Variants in SLC26A3 observed in about 807,000 individuals in gnomAD.
SLC26A3 encodes the protein solute carrier family 26 member 3, also known as chloride anion exchanger.
Under a neutral mutation model 85.6 loss-of-function variants are expected in SLC26A3, and 64 were observed. That is an observed-to-expected ratio of 0.75 (90% confidence interval 0.61 to 0.92). SLC26A3 has a LOEUF of 0.92. SLC26A3 is among the 40% of genes least tolerant of loss of function. The probability of loss-of-function intolerance (pLI) is 0.00; values close to 1 mark genes in which losing one functional copy is unlikely to be tolerated. For missense variants in SLC26A3, 922 were observed against 927.3 expected, an observed-to-expected ratio of 0.99 and a Z score of 0.07; for synonymous variants, 349 against 336.0, an observed-to-expected ratio of 1.04 and a Z score of -0.42.
At chr7:107,795,718 AC>A (rs1794485158) in intron 1 of SLC26A3, among the ~76,000 whole-genome samples, 1 of 152,040 alleles carries the variant, frequency 6.6e-6, no homozygotes, top group African/African-American at 2.4e-5. Flanking sequence ...ATTCCAACTA[AC>A]TGCTAGCATT....
In SLC26A3 at chr7:107,791,121, G is replaced by T; in HGVS notation, c.497C>A (p.Ser166Tyr). ...TLGLPNNSNN[S>Y]SLLDDERVRV... is the part of the protein sequence containing the mutation. The stretch of plus-strand genomic sequence containing the variant: ...CACCCTCTCGTCATCCAGTAGTGAA[G>T]AATTATTCGAGTTGTTAGGCAATCC... The change falls in exon 5 of 21, where the codon TCT becomes TAT. Residue 166 changes from serine (S) to tyrosine (Y), a missense_variant. Coordinates refer to ENST00000340010, the MANE Select transcript of SLC26A3 (RefSeq NM_000111.3). The T allele has an allele frequency of 1.9e-6, 3 of 1,614,206 alleles. No homozygotes were observed. In the South Asian group the frequency reaches 3.3e-5, roughly 18 times the overall value.
chr7:107,774,315 A>G (rs1345230174), intron 16 of SLC26A3, among the ~76,000 whole-genome samples, 162 bp from the exon 17 acceptor site: 3 of 152,086 alleles, frequency 2.0e-5, no homozygotes, highest in Non-Finnish European at 4.4e-5. Flanking sequence ...ACTTTAGGAA[A>G]CTGAGGTGGG....
chr7:107,780,210 T>A (rs369851681), intron 11 of SLC26A3, among the ~76,000 whole-genome samples: 2 of 152,030 alleles, frequency 1.3e-5, no homozygotes, highest in African/African-American at 4.8e-5. Context: ...TGGAATGAGA[T>A]GACTTGAGGC....
At chr7:107,801,393 A>G (rs1268566880) in intron 1 of SLC26A3, among the ~76,000 whole-genome samples, 1 of 152,172 alleles carries the variant, frequency 6.6e-6, no homozygotes, top group Admixed American at 6.5e-5. Flanking sequence ...CCTACACTCA[A>G]TATCCACAAC....
Position 107,782,836 on chromosome 7 carries a change from G to A in SLC26A3, c.1272C>T (p.Val424=), listed in dbSNP as rs975982260. 6 of 1,614,058 alleles carry A rather than the reference G, an allele frequency of 3.7e-6. No homozygotes were observed. Among genetic ancestry groups the A allele is most frequent in the Non-Finnish European group, 5.1e-6 (6 of 1,179,992 alleles). Reference sequence around the variant, plus strand: ...CCAGGAGAAATCCAATGGCTAGAACGACAATCAGCACGATGATGGCACCAA... The same window carrying A: ...CCAGGAGAAATCCAATGGCTAGAACAACAATCAGCACGATGATGGCACCAA... ...GLIGAIIVLI[V]VLAIGFLLAP... Residue 424 remains valine (V), a synonymous_variant, in exon 11 of 21, where the codon GTC becomes GTT. Coordinates refer to ENST00000340010, the MANE Select transcript of SLC26A3 (RefSeq NM_000111.3).
intron 1 of SLC26A3, among the ~76,000 whole-genome samples, chr7:107,801,252 C>A (rs1794594848): frequency 6.6e-6 from 1 of 152,204 alleles, no homozygotes; most frequent in Non-Finnish European, 1.5e-5. Flanking sequence ...CTGACTCTCT[C>A]CACTACGTCT....
At chr7:107,802,741 GC>G (rs150215011) in intron 1 of SLC26A3, among the ~76,000 whole-genome samples, 2 of 102,596 alleles carry the variant, frequency 1.9e-5, no homozygotes, top group African/African-American at 4.3e-5. Context: ...CTTAAAGCTT[GC>G]TTTTTTTTTT....
At chr7:107,773,812 A>C (rs867105607) in intron 17 of SLC26A3, 108 bp downstream of exon 17, 3 of 951,836 alleles carry the variant, frequency 3.2e-6, no homozygotes, top group African/African-American at 1.6e-5. Context: ...CGGCCTCCCA[A>C]AGTGCTGGGA....
Position 107,789,573 on chromosome 7 carries a change from A to T in SLC26A3, c.686T>A (p.Ile229Asn). 1.2e-6 allele frequency: 2 copies of T among 1,614,170 alleles called. No individual in the cohort carries two copies. Among genetic ancestry groups the T allele is most frequent in the Non-Finnish European group, 1.7e-6 (2 of 1,180,020 alleles). Residue 229 changes from isoleucine to asparagine, a missense_variant, in exon 6 of 21, where the codon ATT becomes AAT. Transcript: ENST00000340010. ...GTGTGACGGGACTGTCAACTGAAAAATGAATTTGAGTTGGGAAACCAAAAC... is the reference window on the plus strand; with the variant it reads ...GTGTGACGGGACTGTCAACTGAAAATTGAATTTGAGTTGGGAAACCAAAAC... ...VHVLVSQLKF[I>N]FQLTVPSHTD...
At chr7:107,765,907 A>G (rs1223173186) in intron 20 of SLC26A3, 29 bp from the exon 21 acceptor site, 15 of 1,596,472 alleles carry the variant, frequency 9.4e-6, no homozygotes, top group Non-Finnish European at 1.3e-5. Flanking sequence ...TTCTTGTTTT[A>G]AAATACTCGT....
At chr7:107,769,169 C>T (rs915024555) in intron 18 of SLC26A3, among the ~76,000 whole-genome samples, 11 of 152,060 alleles carry the variant, frequency 7.2e-5, no homozygotes, top group African/African-American at 1.9e-4. Flanking sequence ...CACAGTGTGG[C>T]GATTCCTCAC....
At chr7:107,792,141 T>G (rs185123372) in intron 3 of SLC26A3, among the ~76,000 whole-genome samples, 2 of 152,210 alleles carry the variant, frequency 1.3e-5, no homozygotes, top group Non-Finnish European at 2.9e-5. Context: ...GTGACCTGGA[T>G]TTGTCAATGG....
At chr7:107,793,416 A>G (rs1346570406) in intron 3 of SLC26A3, among the ~76,000 whole-genome samples, 1 of 152,258 alleles carries the variant, frequency 6.6e-6, no homozygotes, top group African/African-American at 2.4e-5. Context: ...TGTCCATAAA[A>G]TGGAATGAAG....
At chr7:107,777,875 C>T (rs1008686356) in intron 13 of SLC26A3, among the ~76,000 whole-genome samples, 3 of 152,192 alleles carry the variant, frequency 2.0e-5, no homozygotes, top group Admixed American at 1.3e-4. Flanking sequence ...AATAGAATTA[C>T]TTCTGGTTTA....
chr7:107,779,832 G>T, intron 11 of SLC26A3, 69 bp from the exon 12 acceptor site: 1 of 1,301,174 alleles, frequency 7.7e-7, no homozygotes, highest in Non-Finnish European at 1.1e-6. Context: ...CAAAGGTGAA[G>T]GCTATAGATA....
Position 107,774,800 on chromosome 7 carries a change from G to C in SLC26A3, c.1750C>G (p.Gln584Glu), listed in dbSNP as rs1489629664. 1.2e-6 allele frequency: 2 copies of C among 1,614,014 alleles called. No individual in the cohort carries two copies. Among genetic ancestry groups the C allele is most frequent in the Admixed American group, 3.3e-5 (2 of 60,024 alleles). The change falls in exon 16 of 21, where the codon CAA (glutamine) becomes GAA (glutamate). Residue 584 changes from glutamine (Q) to glutamate (E), a missense_variant. Gln to Glu is a conservative substitution (Grantham distance 29). Coordinates refer to ENST00000340010, the MANE Select transcript of SLC26A3 (RefSeq NM_000111.3). ...ALRKIRKLQKQGLLQVTPKGF... is the reference protein window; with the variant it reads ...ALRKIRKLQKEGLLQVTPKGF... ...ACTGGTGTCACTTGTAGCAAGCCTT[G>C]CTTCTGCAGTTTTCGGATTTTCCTC...
At chr7:107,793,936 T>C (rs1196108800) in intron 2 of SLC26A3, 55 bp from the exon 3 acceptor site, 3 of 1,611,706 alleles carry the variant, frequency 1.9e-6, no homozygotes, top group Admixed American at 1.7e-5. Context: ...TTAAGTTTAG[T>C]ACCTGTCGGT....
At position 107,787,412 on chromosome 7, in the gene SLC26A3, AT is replaced by A; in HGVS notation, c.832del (p.Ile278Ter). 6.2e-7 allele frequency: 1 copy of A among 1,614,088 alleles called. No individual in the cohort carries two copies. Among genetic ancestry groups the A allele is most frequent in the Non-Finnish European group, 8.5e-7 (1 of 1,179,978 alleles). ...VLLVVSIVKEINQRFKDKLPV... is the reference protein window; with the variant it reads ...VLLVVSIVKEXNQRFKDKLPV... Reference sequence around the variant, plus strand: ...AAGTTTGTCTTTGAAGCGCTGATTTATTTCTTTAACAATGGATACAACCAAA... The same window carrying A: ...AAGTTTGTCTTTGAAGCGCTGATTTATTCTTTAACAATGGATACAACCAAA... On this transcript the variant is annotated frameshift_variant, in exon 7 of 21. Coordinates refer to ENST00000340010, the MANE Select transcript of SLC26A3 (RefSeq NM_000111.3). LOFTEE classifies it high-confidence loss of function.
Position 107,767,886 on chromosome 7 carries a change from G to C in SLC26A3, c.2085C>G (p.Asn695Lys), listed in dbSNP as rs752038202. The part of the protein sequence containing the change: ...GTDDDFIEKL[N>K]RYEFFDGEVK... ...CTTCACCATCAAAAAATTCATACCG[G>C]TTAAGCTTCTCAATGAAGTCATCTG... Residue 695 changes from asparagine (N) to lysine (K), a missense_variant, in exon 19 of 21, where the codon AAC becomes AAG. By Grantham distance (94) the Asn-to-Lys change is moderately conservative (BLOSUM62 0). Transcript: ENST00000340010. The C allele has an allele frequency of 2.5e-6, 4 of 1,613,354 alleles. No individual in the cohort carries two copies. In the Admixed American group the frequency reaches 5.0e-5, roughly 20 times the overall value.
Sources: gnomAD v4.1 joint callset for allele counts (sites outside exome capture counted in the v4.1 genomes callset) on GRCh38, gnomAD v4.1.1 for gene constraint, MANE v1.5 for transcripts, NCBI Gene and HGNC (gene_info 2026-07-23, HGNC 2026-07-21) for gene names.